The following MYO6 variants were observed in gnomAD, a reference collection of about 807,000 sequenced individuals.
MYO6 encodes myosin VI, also known as unconventional myosin-VI.
A neutral mutation model predicts 178.7 loss-of-function variants in MYO6; 74 were observed. The observed-to-expected ratio is 0.41, with a 90% confidence interval of 0.34 to 0.50. The LOEUF (loss-of-function observed/expected upper bound fraction) is 0.50. MYO6 is among the 20% of genes least tolerant of loss of function. The pLI is 0.09. For synonymous variants in MYO6, 477 were observed against 504.6 expected (o/e 0.95, Z 0.73); for missense variants, 1,330 against 1,547.4 (o/e 0.86, Z 2.36).
intron 19 of MYO6, 102 bp downstream of exon 19, chr6:75,870,787 A>C: frequency 1.1e-6 from 1 of 896,686 alleles, no homozygotes; most frequent in Non-Finnish European, 1.7e-6. Context: ...TTAAAAATAC[A>C]TTTTAAACTT....
intron 2 of MYO6, among the ~76,000 whole-genome samples, chr6:75,822,058 G>A (rs1297006917): frequency 2.0e-5 from 3 of 149,032 alleles, no homozygotes; most frequent in Middle Eastern, 3.5e-3. Context: ...CTGATTGAAT[G>A]TTATTTTTTT....
chr6:75,852,222 G>A (rs77834527), intron 11 of MYO6, among the ~76,000 whole-genome samples: 259 of 152,004 alleles, frequency 1.7e-3, no homozygotes, highest in African/African-American at 6.0e-3. Context: ...AATTTTTTGA[G>A]AGCTATATAA....
intron 1 of MYO6, among the ~76,000 whole-genome samples, chr6:75,800,936 G>C (rs868051999): frequency 6.6e-6 from 1 of 152,136 alleles, no homozygotes; most frequent in African/African-American, 2.4e-5. Flanking sequence ...GGCCAGGCTG[G>C]TCTTGAACTC....
intron 1 of MYO6, among the ~76,000 whole-genome samples, chr6:75,797,196 TCTC>T (rs1407914299): frequency 1.3e-5 from 2 of 152,090 alleles, no homozygotes; most frequent in Admixed American, 6.6e-5. Context: ...GTCAAGCGCT[TCTC>T]CTGCGTCAGC....
At chr6:75,750,639 C>G (rs190631825) in intron 1 of MYO6, among the ~76,000 whole-genome samples, 2 of 150,072 alleles carry the variant, frequency 1.3e-5, no homozygotes, top group Non-Finnish European at 3.0e-5. Flanking sequence ...GACAGAGCCT[C>G]GCTCTGTCAG....
chr6:75,895,276 T>A lies in MYO6; in HGVS notation c.3137+16T>A. 1 of 1,597,580 alleles carries A rather than the reference T, an allele frequency of 6.3e-7. No individual in the cohort carries two copies. Among genetic ancestry groups the A allele is most frequent in the South Asian group, 1.1e-5 (1 of 90,232 alleles). On this transcript the variant is annotated intron_variant, in intron 29 of 34. Coordinates refer to ENST00000369977, the MANE Select transcript of MYO6 (RefSeq NM_004999.4). ...AAATGACACCGTATGTCACTTACCT[T>A]TACCTTTTTAAAAATAGGTTGTAGA...
At chr6:75,849,518 G>C (rs1260490181) in intron 11 of MYO6, among the ~76,000 whole-genome samples, 1 of 152,136 alleles carries the variant, frequency 6.6e-6, no homozygotes, top group Non-Finnish European at 1.5e-5. Flanking sequence ...AGTACCTAGT[G>C]TAATGCTAAA....
intron 1 of MYO6, chr6:75,768,125 C>G (rs1319625565): frequency 6.6e-6 from 1 of 152,042 alleles, no homozygotes; most frequent in Non-Finnish European, 1.5e-5. Flanking sequence ...TTGAGTCCTT[C>G]CAATTTTAGT....
chr6:75,787,369 C>T (rs1767674420), intron 1 of MYO6, among the ~76,000 whole-genome samples: 1 of 151,988 alleles, frequency 6.6e-6, no homozygotes, highest in South Asian at 2.1e-4. Flanking sequence ...AACAGATAAG[C>T]AAATAACCCC....
At chr6:75,856,999 AT>A (rs1278820155) in intron 12 of MYO6, 97 bp from the exon 13 acceptor site, 2 of 1,146,872 alleles carry the variant, frequency 1.7e-6, no homozygotes, top group Non-Finnish European at 2.6e-6. Flanking sequence ...GTAACTCTTT[AT>A]TTTGTTCTTC....
chr6:75,915,269 C>G lies in MYO6; in HGVS notation c.*257C>G, dbSNP rs1781061037. ...TCTAACTATTACACATGGGCATATT[C>G]TGATGTTTCTCATCCTTTGCCAGAA... On this transcript the variant is annotated 3_prime_UTR_variant, in exon 35 of 35. Transcript: ENST00000369977. 5 of 505,686 alleles carry G rather than the reference C, an allele frequency of 9.9e-6. No individual in the cohort carries two copies. The South Asian group carries it at 1.0e-4, about 11-fold the overall frequency. The allele number at this position is 505,686 out of a possible 1,614,324, so 31.3% of individuals were successfully genotyped here. A position where few individuals can be genotyped will look rare whatever the true frequency, so the allele number is the denominator to read the frequency against.
At position 75,761,395 on chromosome 6, in the gene MYO6, T is replaced by C. The variant is rs117959525; in HGVS notation, c.-48+11972T>C. 6.5e-3 allele frequency among the ~76,000 whole-genome samples: 992 copies of C among 152,312 alleles called. 13 individuals carry two copies. Among genetic ancestry groups the C allele is most frequent in the Middle Eastern group, 0.014 (4 of 294 alleles). On this transcript the variant is annotated intron_variant, in intron 1 of 34. Transcript: ENST00000369977. ...GACAGATGTTTTAGCAACCAGGAAA[T>C]ATTTATTTCAATCAGAATTTAATTT...
chr6:75,760,859 GA>G (rs1450051094), intron 1 of MYO6, among the ~76,000 whole-genome samples: 1 of 152,006 alleles, frequency 6.6e-6, no homozygotes, highest in Non-Finnish European at 1.5e-5. Context: ...GGAGATATTT[GA>G]GGCTCTTAGT....
At chr6:75,887,711 C>G (rs187596917) in intron 25 of MYO6, among the ~76,000 whole-genome samples, 244 of 142,916 alleles carry the variant, frequency 1.7e-3, no homozygotes, top group African/African-American at 5.1e-3. Context: ...CGGTGGGTCA[C>G]GCCTGTAATC....
At position 75,821,042 on chromosome 6, in the gene MYO6, A is replaced by G. The variant is rs1771820663; in HGVS notation, c.118-1740A>G. Among the ~76,000 whole-genome samples, 2 of 152,226 alleles carry G rather than the reference A, an allele frequency of 1.3e-5. 1 individual carries two copies. Among genetic ancestry groups the G allele is most frequent in the South Asian group, 4.1e-4 (2 of 4,836 alleles). ...AAGCCTCCTTCTTCTAAGAGAAAAC[A>G]ATTAATGAAACATTTTAAGGAGAGA... On this transcript the variant is annotated intron_variant, in intron 2 of 34. Coordinates refer to ENST00000369977, the MANE Select transcript of MYO6 (RefSeq NM_004999.4).
chr6:75,759,238 G>A (rs576084298), intron 1 of MYO6, among the ~76,000 whole-genome samples: 1 of 152,260 alleles, frequency 6.6e-6, no homozygotes, highest in East Asian at 1.9e-4. Context: ...TTTAGATAAT[G>A]TGCTGTTGAA....
At chr6:75,817,753 G>A (rs890285517) in intron 2 of MYO6, 89 bp downstream of exon 2, 2 of 1,119,866 alleles carry the variant, frequency 1.8e-6, no homozygotes, top group Non-Finnish European at 2.7e-6. Context: ...TCTTAATGAG[G>A]TAGATATTTG....
chr6:75,867,790 T>A (rs1384793270), intron 18 of MYO6, among the ~76,000 whole-genome samples: 1 of 152,200 alleles, frequency 6.6e-6, no homozygotes, highest in Non-Finnish European at 1.5e-5. Context: ...GATCAGGAAT[T>A]TATTCTTCAA....
intron 3 of MYO6, among the ~76,000 whole-genome samples, chr6:75,823,890 CTT>C (rs1772164740): frequency 6.6e-6 from 1 of 152,184 alleles, no homozygotes; most frequent in African/African-American, 2.4e-5. Flanking sequence ...TCTAATGACT[CTT>C]AATAAATGGT....
Sources: allele counts gnomAD v4.1 joint callset (sites outside exome capture counted in the v4.1 genomes callset), GRCh38; gene constraint gnomAD v4.1.1; transcripts MANE v1.5; gene names NCBI Gene and HGNC (gene_info 2026-07-23, HGNC 2026-07-21).